RPRD2: variants seen among roughly 807,000 people sequenced by gnomAD.
The protein encoded by RPRD2 is regulation of nuclear pre-mRNA domain-containing protein 2.
A neutral mutation model predicts 104.4 loss-of-function variants in RPRD2; 12 were observed. The ratio of observed to expected loss-of-function variants is 0.11; its 90% CI spans 0.07 to 0.19. The LOEUF is 0.19. Ranked by LOEUF, RPRD2 falls within the 10% of genes least tolerant of loss-of-function variation. RPRD2 has a pLI of 1.00. For synonymous variants in RPRD2, 714 were observed against 684.9 expected, an observed-to-expected ratio of 1.04 and a Z score of -0.66; for missense variants, 1,543 against 1,790.1, an observed-to-expected ratio of 0.86 and a Z score of 2.49.
At chr1:150,381,201 T>C (rs1204710804) in intron 1 of RPRD2, among the ~76,000 whole-genome samples, 2 of 151,774 alleles carry the variant, frequency 1.3e-5, no homozygotes, top group African/African-American at 4.8e-5. Context: ...GGTGGAAAGA[T>C]TGCTTGAGTC....
intron 1 of RPRD2, among the ~76,000 whole-genome samples, chr1:150,378,197 T>C (rs917362650): frequency 2.6e-5 from 4 of 151,886 alleles, no homozygotes; most frequent in Admixed American, 1.3e-4. Context: ...TGAGTTCTTA[T>C]GTGATTTCAT....
chr1:150,364,968 A>C, intron 1 of RPRD2, 49 bp downstream of exon 1: 1 of 1,587,160 alleles, frequency 6.3e-7, no homozygotes, highest in East Asian at 2.2e-5. Context: ...AAATGGAAGG[A>C]AGTGTGGCCT....
At chr1:150,429,229 A>C (rs1338033972) in intron 2 of RPRD2, among the ~76,000 whole-genome samples, 3 of 151,814 alleles carry the variant, frequency 2.0e-5, no homozygotes, top group Non-Finnish European at 4.4e-5. Flanking sequence ...AGTAGCTGGG[A>C]TTACAGGCAT....
rs1406133517 is a variant in RPRD2 at position 150,476,321 on chromosome 1, T to C, written c.*2987T>C. ...CACTCTCAATCCTGAAGTTACCGGT[T>C]CCTGCAGAATTGAGCTTCAGCTGTT... On this transcript the variant is annotated 3_prime_UTR_variant, in exon 11 of 11. Coordinates refer to ENST00000369068, the MANE Select transcript of RPRD2 (RefSeq NM_015203.5). 6.6e-6 allele frequency: 1 copy of C among 152,212 alleles called. No individual in the cohort carries two copies. Among genetic ancestry groups the C allele is most frequent in the Non-Finnish European group, 1.5e-5 (1 of 68,034 alleles). The allele number at this position is 152,212 out of a possible 1,614,324, so 9.4% of individuals were successfully genotyped here.
rs777440320 is a variant in RPRD2 at position 150,470,875 on chromosome 1, C to A, written c.1927C>A (p.Pro643Thr). The A allele has an allele frequency of 6.2e-7, 1 of 1,614,014 alleles. No individual in the cohort carries two copies. Among genetic ancestry groups the A allele is most frequent in the East Asian group, 2.2e-5 (1 of 44,888 alleles). Residue 643 changes from proline (P) to threonine (T), a missense_variant, in exon 11 of 11, where the codon CCT becomes ACT. By Grantham distance (38) the Pro-to-Thr change is conservative. Around this residue, in one of 4 missense-constraint regions of RPRD2, gnomAD observed 572 missense variants for 787.3 expected, o/e 0.73. Coordinates refer to ENST00000369068, the MANE Select transcript of RPRD2 (RefSeq NM_015203.5). Reference sequence around the variant, plus strand: ...CCACAATACTAGCCCTGCTGCCCCACCTACTGAAGTTACCATCTGCCAATC... The same window carrying A: ...CCACAATACTAGCCCTGCTGCCCCAACTACTGAAGTTACCATCTGCCAATC... ...ATHNTSPAAPPTEVTICQSSE... is the reference protein window; with the variant it reads ...ATHNTSPAAPTTEVTICQSSE...
intron 2 of RPRD2, among the ~76,000 whole-genome samples, 154 bp downstream of exon 2, chr1:150,417,879 T>TTTTC (rs1396433767): frequency 4.6e-5 from 7 of 152,036 alleles, no homozygotes; most frequent in African/African-American, 1.5e-4. Context: ...TAACACACGT[T>TTTTC]TTTCTTTCTT....
chr1:150,460,434 C>T (rs587600009), intron 9 of RPRD2, 117 bp downstream of exon 9: 14 of 1,062,500 alleles, frequency 1.3e-5, no homozygotes, highest in East Asian at 5.2e-5. Context: ...GACAGAGTTT[C>T]GCTCTGTCTC....
rs782460733 is a variant in RPRD2 at position 150,441,930 on chromosome 1, A to G, written c.486A>G (p.Gln162=). The G allele has an allele frequency of 1.7e-5, 28 of 1,612,778 alleles. No individual in the cohort carries two copies. Among genetic ancestry groups the G allele is most frequent in the Admixed American group, 1.5e-4 (9 of 59,822 alleles). ...QKQLKENLNK[Q]PNKQWKKSQT... ...AGCTGAAAGAAAATCTGAACAAACA[A>G]CCGAATAAGCAGTGGAAGAAATCAC... The change falls in exon 4 of 11, where the codon CAA becomes CAG. Residue 162 remains glutamine, a synonymous_variant. Transcript: ENST00000369068.
Position 150,473,101 on chromosome 1 carries a change from G to C in RPRD2, c.4153G>C (p.Gly1385Arg). ...SLEHLGPPHG[G>R]GGGGGSNSSS... ...GGAACACCTGGGCCCACCCCATGGA[G>C]GAGGAGGTGGGGGAGGCAGCAACAG... The change falls in exon 11 of 11, where the codon GGA becomes CGA. Residue 1385 changes from glycine (G) to arginine (R), a missense_variant. Coordinates refer to ENST00000369068, the MANE Select transcript of RPRD2 (RefSeq NM_015203.5). The C allele has an allele frequency of 6.2e-7, 1 of 1,613,976 alleles. No individual in the cohort carries two copies. The highest frequency in any genetic ancestry group is 8.5e-7 in the Non-Finnish European group (1 of 1,179,856).
chr1:150,364,698 T>C lies in RPRD2; in HGVS notation c.-17T>C, dbSNP rs781895401. On this transcript the variant is annotated 5_prime_UTR_variant, in exon 1 of 11. Transcript: ENST00000369068. Reference sequence around the variant, plus strand: ...GCCGCCGCCAGAGGAGCAGCAGCGCTTGTGCAAACCGGGAAGATGGCGGCC... The same window carrying C: ...GCCGCCGCCAGAGGAGCAGCAGCGCCTGTGCAAACCGGGAAGATGGCGGCC... The C allele has an allele frequency of 6.6e-7, 1 of 1,506,664 alleles. No individual in the cohort carries two copies. Among genetic ancestry groups the C allele is most frequent in the Non-Finnish European group, 9.0e-7 (1 of 1,107,048 alleles). 93.3% of individuals were successfully genotyped at this position (1,506,664 alleles called of 1,614,324 possible). A position where few individuals can be genotyped will look rare whatever the true frequency, so the allele number is the denominator to read the frequency against.
Position 150,421,976 on chromosome 1 carries a change from G to A in RPRD2, c.335+4251G>A, listed in dbSNP as rs1344752764. ...TCCAGCCTGGGTGACAGAGCAAGACGCTATCTCTTAAATAAACAAATACAG... is the reference window on the plus strand; with the variant it reads ...TCCAGCCTGGGTGACAGAGCAAGACACTATCTCTTAAATAAACAAATACAG... On this transcript the variant is annotated intron_variant, in intron 2 of 10. Coordinates refer to ENST00000369068, the MANE Select transcript of RPRD2 (RefSeq NM_015203.5). 6.9e-5 allele frequency among the ~76,000 whole-genome samples: 10 copies of A among 144,958 alleles called. No individual in the cohort carries two copies. In the South Asian group the frequency reaches 1.5e-3, roughly 22 times the overall value.
intron 1 of RPRD2, among the ~76,000 whole-genome samples, chr1:150,371,660 T>C (rs955175101): frequency 2.6e-5 from 4 of 152,196 alleles, no homozygotes; most frequent in Admixed American, 2.0e-4. Context: ...TGAGCCACCG[T>C]GCCCGGCTGT....
intron 1 of RPRD2, among the ~76,000 whole-genome samples, chr1:150,409,640 T>G (rs1663746319): frequency 6.8e-6 from 1 of 146,820 alleles, no homozygotes; most frequent in Admixed American, 7.0e-5. Context: ...GGCTTGATGT[T>G]GCAATTCTTT....
intron 2 of RPRD2, among the ~76,000 whole-genome samples, chr1:150,418,496 A>G (rs12142196): frequency 0.22 from 33,714 of 151,996 alleles, 4,254 homozygotes; most frequent in African/African-American, 0.32. Context: ...ATTTCCCACC[A>G]TCATACTCCC....
At chr1:150,417,903 TTTC>T (rs1488942089) in intron 2 of RPRD2, among the ~76,000 whole-genome samples, 178 bp downstream of exon 2, 107 of 150,158 alleles carry the variant, frequency 7.1e-4, no homozygotes, top group African/African-American at 2.5e-3. Flanking sequence ...TTTCTTTTCT[TTTC>T]TTTTTCTCTC....
chr1:150,387,038 T>C (rs1436128828), intron 1 of RPRD2, among the ~76,000 whole-genome samples: 1 of 152,192 alleles, frequency 6.6e-6, no homozygotes, highest in Non-Finnish European at 1.5e-5. Context: ...AATGAGAAAA[T>C]AGACTAGTGT....
chr1:150,426,581 C>T (rs1306356487), intron 2 of RPRD2, among the ~76,000 whole-genome samples: 3 of 151,960 alleles, frequency 2.0e-5, no homozygotes, highest in Non-Finnish European at 4.4e-5. Context: ...GCAAAATAAG[C>T]CCAAGAAAGG....
chr1:150,369,605 C>T (rs1423037380), intron 1 of RPRD2, among the ~76,000 whole-genome samples: 8 of 146,532 alleles, frequency 5.5e-5, no homozygotes, highest in African/African-American at 1.5e-4. Context: ...TACAGGCGCC[C>T]GTCACCGCGC....
In RPRD2 at chr1:150,446,897, G is replaced by T. The variant is rs587594352; in HGVS notation, c.870+496G>T. On this transcript the variant is annotated intron_variant, in intron 7 of 10. Transcript: ENST00000369068. ...GTTGCCCAGGCTAGAGTGCAGTGGT[G>T]CAATCTCAGCACACAGCAACCTCCG... 2.7e-5 allele frequency among the ~76,000 whole-genome samples: 4 copies of T among 145,948 alleles called. No homozygotes were observed. The East Asian group carries it at 8.0e-4, about 29-fold the overall frequency.
Sources: allele counts gnomAD v4.1 joint callset (sites outside exome capture counted in the v4.1 genomes callset), GRCh38; gene constraint gnomAD v4.1.1; regional missense constraint gnomAD v4.1.1; transcripts MANE v1.5; gene names NCBI Gene and HGNC (gene_info 2026-07-23, HGNC 2026-07-21).